DOCK5: variants seen among roughly 807,000 people sequenced by gnomAD.
The protein encoded by DOCK5 is dedicator of cytokinesis 5.
Under a neutral mutation model 251.8 loss-of-function variants are expected in DOCK5, and 142 were observed. That is an observed-to-expected ratio of 0.56 (90% CI 0.49 to 0.65). The LOEUF is 0.65. Among genes scored for constraint, DOCK5 ranks in the 30% least tolerant of loss-of-function variants. DOCK5 has a pLI of 0.00. For synonymous variants in DOCK5, 842 were observed against 835.5 expected (o/e 1.01, Z -0.13); for missense variants, 2,111 against 2,312.3 (o/e 0.91, Z 1.79).
intron 11 of DOCK5, chr8:25,305,344 C>T (rs1027948454): frequency 9.9e-5 from 15 of 150,998 alleles, no homozygotes; most frequent in Non-Finnish European, 1.3e-4. Context: ...TTTAAGATCC[C>T]GAAGTTAGAT....
At chr8:25,371,728 A>C (rs1201047407) in intron 34 of DOCK5, among the ~76,000 whole-genome samples, 1 of 152,194 alleles carries the variant, frequency 6.6e-6, no homozygotes, top group Non-Finnish European at 1.5e-5. Context: ...TAAATCCTAC[A>C]GCTGATTTGT....
At chr8:25,368,075 G>A in intron 31 of DOCK5, 117 bp from the exon 32 acceptor site, 1 of 765,702 alleles carries the variant, frequency 1.3e-6, no homozygotes, top group Non-Finnish European at 2.2e-6. Flanking sequence ...ATCTCTTAAG[G>A]TTGGGCCTTA....
At chr8:25,199,694 T>C (rs544923714) in intron 1 of DOCK5, among the ~76,000 whole-genome samples, 1 of 152,340 alleles carries the variant, frequency 6.6e-6, no homozygotes, top group South Asian at 2.1e-4. Context: ...ACTTCTGCTC[T>C]ATTTTCTTTG....
intron 1 of DOCK5, among the ~76,000 whole-genome samples, chr8:25,227,398 A>C (rs1018809078): frequency 6.6e-6 from 1 of 152,170 alleles, no homozygotes; most frequent in Non-Finnish European, 1.5e-5. Context: ...ATAGCCAATT[A>C]TACCCATGCT....
chr8:25,222,217 C>T lies in DOCK5; in HGVS notation c.44-21457C>T, dbSNP rs138707581. ...TATGATTAATGCTTTGGTTTGCTTT[C>T]TAGGGTGGCTATGGATTTGTCTTTC... On this transcript the variant is annotated intron_variant, in intron 1 of 51. Transcript: ENST00000276440. 5.1e-4 allele frequency among the ~76,000 whole-genome samples: 77 copies of T among 152,222 alleles called. 1 individual carries two copies. The highest frequency in any genetic ancestry group is 6.5e-4 in the Non-Finnish European group (44 of 67,992).
At chr8:25,288,139 G>A (rs1317829751) in intron 5 of DOCK5, among the ~76,000 whole-genome samples, 5 of 152,130 alleles carry the variant, frequency 3.3e-5, no homozygotes, top group Non-Finnish European at 5.9e-5. Flanking sequence ...ACCTGCCTCG[G>A]CCTCCCAAAG....
chr8:25,325,619 C>T, intron 18 of DOCK5, 72 bp downstream of exon 18: 2 of 1,550,336 alleles, frequency 1.3e-6, no homozygotes, highest in Admixed American at 1.9e-5. Flanking sequence ...GTTAGGCTCA[C>T]AGGGCTGGAC....
chr8:25,246,952 T>C (rs1803133827), intron 2 of DOCK5, among the ~76,000 whole-genome samples: 2 of 152,100 alleles, frequency 1.3e-5, no homozygotes, highest in South Asian at 4.2e-4. Flanking sequence ...AGTAGTGTGA[T>C]CATAACTCAC....
intron 4 of DOCK5, chr8:25,277,619 G>C (rs970642829): frequency 1.3e-5 from 2 of 152,212 alleles, no homozygotes; most frequent in Non-Finnish European, 2.9e-5. Flanking sequence ...TGCCCTGCTG[G>C]AGAAGTCCTC....
intron 37 of DOCK5, chr8:25,375,068 C>A (rs757585285): frequency 4.1e-5 from 35 of 861,712 alleles, no homozygotes; most frequent in Non-Finnish European, 4.8e-5. Flanking sequence ...ATAAATACAT[C>A]TATATGTTAT....
At chr8:25,269,341 C>T (rs1256623703) in intron 3 of DOCK5, among the ~76,000 whole-genome samples, 2 of 151,962 alleles carry the variant, frequency 1.3e-5, no homozygotes, top group Non-Finnish European at 2.9e-5. Context: ...CCTCACATCC[C>T]AATAATACAT....
intron 8 of DOCK5, among the ~76,000 whole-genome samples, chr8:25,300,240 T>C (rs1393088633): frequency 6.6e-6 from 1 of 152,234 alleles, no homozygotes; most frequent in Non-Finnish European, 1.5e-5. Flanking sequence ...AAGCTGAAAC[T>C]TTTATTCAAA....
chr8:25,317,105 C>A lies in DOCK5; in HGVS notation c.1417C>A (p.His473Asn). Residue 473 changes from histidine to asparagine, a missense_variant, in exon 14 of 52, where the codon CAC becomes AAC. His to Asn is a moderately conservative substitution (Grantham distance 68). Around this residue, in one of 3 missense-constraint regions of DOCK5, gnomAD observed 1,717 missense variants for 1,892.4 expected, o/e 0.91. Coordinates refer to ENST00000276440, the MANE Select transcript of DOCK5 (RefSeq NM_024940.8). ...PKNVEVTMSV[H>N]DEEGKLLEKA... The stretch of plus-strand genomic sequence containing the variant: ...GAATGTGGAGGTGACGATGTCTGTG[C>A]ACGATGAGGAGGGCAAGCTCTTGGA... The A allele has an allele frequency of 1.2e-6, 2 of 1,613,846 alleles. No homozygotes were observed. Among genetic ancestry groups the A allele is most frequent in the Non-Finnish European group, 1.7e-6 (2 of 1,179,800 alleles).
intron 1 of DOCK5, among the ~76,000 whole-genome samples, chr8:25,237,860 A>G (rs1339839109): frequency 1.3e-5 from 2 of 152,230 alleles, no homozygotes; most frequent in Non-Finnish European, 1.5e-5. Flanking sequence ...TTTAAAGGCA[A>G]TCCTGTTTTA....
intron 1 of DOCK5, among the ~76,000 whole-genome samples, chr8:25,195,826 T>G (rs1488931638): frequency 6.6e-6 from 1 of 152,242 alleles, no homozygotes; most frequent in East Asian, 1.9e-4. Context: ...TGTAAAGTTA[T>G]GAGGACACGA....
intron 18 of DOCK5, among the ~76,000 whole-genome samples, chr8:25,325,791 C>T (rs1165379870): frequency 1.3e-5 from 2 of 152,158 alleles, no homozygotes; most frequent in African/African-American, 4.8e-5. Context: ...TATTTAATAT[C>T]TTAAAACCTA....
rs1301348252 is a variant in DOCK5 at position 25,414,061 on chromosome 8, A to G, written c.*2763A>G. ...TGAAAGACATTGAAATTATCCCTAA[A>G]ATTGTCACAACTTTTGTGAATACTG... is the stretch of plus-strand genomic sequence containing the variant. On this transcript the variant is annotated 3_prime_UTR_variant, in exon 52 of 52. Coordinates refer to ENST00000276440, the MANE Select transcript of DOCK5 (RefSeq NM_024940.8). The G allele has an allele frequency of 6.6e-6, 1 of 152,218 alleles. No homozygotes were observed. The highest frequency in any genetic ancestry group is 1.5e-5 in the Non-Finnish European group (1 of 68,034). 9.4% of individuals were successfully genotyped at this position (152,218 alleles called of 1,614,324 possible). A position where few individuals can be genotyped will look rare whatever the true frequency, so the allele number is the denominator to read the frequency against.
intron 1 of DOCK5, among the ~76,000 whole-genome samples, chr8:25,228,877 T>C (rs1374230629): frequency 1.3e-5 from 2 of 152,180 alleles, no homozygotes; most frequent in African/African-American, 2.4e-5. Context: ...ATTACTTTTT[T>C]TCCTACAGGA....
intron 3 of DOCK5, among the ~76,000 whole-genome samples, chr8:25,273,093 G>T (rs972713397): frequency 6.6e-6 from 1 of 152,048 alleles, no homozygotes; most frequent in African/African-American, 2.4e-5. Flanking sequence ...GTGGCACAGC[G>T]GCACAGCAGG....
Sources: gnomAD v4.1 joint callset for allele counts (sites outside exome capture counted in the v4.1 genomes callset) on GRCh38, gnomAD v4.1.1 for gene constraint, gnomAD v4.1.1 regional missense constraint, MANE v1.5 for transcripts, NCBI Gene and HGNC (gene_info 2026-07-23, HGNC 2026-07-21) for gene names.